The following ATXN10 variants were observed in gnomAD, a reference collection of about 807,000 sequenced individuals.
The protein encoded by ATXN10 is ataxin 10.
In ATXN10, 28 loss-of-function variants were observed where a neutral mutation model predicts 52.9. That is an observed-to-expected ratio of 0.53 (90% CI 0.39 to 0.73). The LOEUF (loss-of-function observed/expected upper bound fraction) is 0.73. ATXN10 is among the 30% of genes least tolerant of loss of function. ATXN10 has a pLI of 0.00. For synonymous variants in ATXN10, 226 were observed against 221.5 expected (o/e 1.02, Z -0.18); for missense variants, 565 against 577.0 (o/e 0.98, Z 0.21).
intron 1 of ATXN10, among the ~76,000 whole-genome samples, chr22:45,685,866 G>C (rs1923115969): frequency 6.6e-6 from 1 of 152,052 alleles, no homozygotes; most frequent in Admixed American, 6.6e-5. Context: ...TTTATAAAAG[G>C]AAACACATCT....
rs918582322 is a variant in ATXN10, at chr22:45,727,603, C to A, written c.729-1822C>A. On this transcript the variant is annotated intron_variant, in intron 6 of 11. Transcript: ENST00000252934. The surrounding 1 kb of genome is among the most constrained non-coding windows in gnomAD (Gnocchi z 4.6). ...CTCGAATGCCCGATCTCAGGTGATC[C>A]CCCATCCTCGGCCTCCCAAAGTACT... 3.9e-5 allele frequency among the ~76,000 whole-genome samples: 6 copies of A among 152,028 alleles called. No homozygotes were observed. The highest frequency in any genetic ancestry group is 1.5e-4 in the African/African-American group (6 of 41,374).
At chr22:45,730,516 C>G (rs1321357615) in intron 7 of ATXN10, among the ~76,000 whole-genome samples, 1 of 152,180 alleles carries the variant, frequency 6.6e-6, no homozygotes, top group African/African-American at 2.4e-5. Flanking sequence ...TCACTGCAAC[C>G]TCTGCCTCCT....
chr22:45,710,712 G>A (rs1301064486), intron 5 of ATXN10, among the ~76,000 whole-genome samples: 2 of 152,132 alleles, frequency 1.3e-5, no homozygotes, highest in African/African-American at 4.8e-5. Context: ...TTTATCTATT[G>A]TCTACGGCTG....
At chr22:45,714,146 C>T (rs1483637382) in intron 5 of ATXN10, among the ~76,000 whole-genome samples, 1 of 152,166 alleles carries the variant, frequency 6.6e-6, no homozygotes, top group Non-Finnish European at 1.5e-5. Context: ...TTTGGATTTG[C>T]CAGTTCTGCC....
Position 45,795,776 on chromosome 22 carries a change from T to G in ATXN10, c.1174-11183T>G, listed in dbSNP as rs950074565. ...TAAATTGTGAAGATTTCATGGACATTTATCACTTCCCTAATCAACACTCTT... is the reference window on the plus strand; with the variant it reads ...TAAATTGTGAAGATTTCATGGACATGTATCACTTCCCTAATCAACACTCTT... On this transcript the variant is annotated intron_variant, in intron 9 of 11. Transcript: ENST00000252934. The surrounding 1 kb of genome is among the most constrained non-coding windows in gnomAD (Gnocchi z 4.6). Among the ~76,000 whole-genome samples the G allele has an allele frequency of 1.3e-5, 2 of 152,230 alleles. No individual in the cohort carries two copies. Among genetic ancestry groups the G allele is most frequent in the Non-Finnish European group, 2.9e-5 (2 of 68,026 alleles).
chr22:45,798,997 T>C (rs1390138759), intron 9 of ATXN10, among the ~76,000 whole-genome samples: 1 of 152,112 alleles, frequency 6.6e-6, no homozygotes, highest in Non-Finnish European at 1.5e-5. Flanking sequence ...CAGCTCAATA[T>C]TGTTAAGTGT....
rs1200517649 is a variant in ATXN10 at position 45,843,850 on chromosome 22, CTT to C, written c.*180_*181del. On this transcript the variant is annotated 3_prime_UTR_variant, in exon 12 of 12. Transcript: ENST00000252934. This position sits in a 1 kb window ranked among gnomAD's most constrained non-coding sequence, Gnocchi z 4.5. ...AAAAGTGAAAGTAACTGAGTGTTCTCTTGTTTCTTTGCATTAATGTAACTGTG... is the reference window on the plus strand; with the variant it reads ...AAAAGTGAAAGTAACTGAGTGTTCTCGTTTCTTTGCATTAATGTAACTGTG... The C allele has an allele frequency of 3.1e-5, 20 of 645,872 alleles. No homozygotes were observed. Among genetic ancestry groups the C allele is most frequent in the South Asian group, 1.5e-4 (8 of 52,232 alleles). 40.0% of individuals were successfully genotyped at this position (645,872 alleles called of 1,614,324 possible). A position where few individuals can be genotyped will look rare whatever the true frequency, so the allele number is the denominator to read the frequency against.
intron 10 of ATXN10, among the ~76,000 whole-genome samples, chr22:45,821,956 T>TC (rs1928663403): frequency 6.6e-6 from 1 of 152,198 alleles, no homozygotes; most frequent in African/African-American, 2.4e-5. Context: ...CCCTGAGGAA[T>TC]CCATCTAGTC....
In ATXN10 at chr22:45,809,131, T is replaced by G. The variant is rs140604353; in HGVS notation, c.1237+2109T>G. Among the ~76,000 whole-genome samples, 210 of 151,424 alleles carry G rather than the reference T, an allele frequency of 1.4e-3. 1 individual carries two copies. Among genetic ancestry groups the G allele is most frequent in the African/African-American group, 4.9e-3 (205 of 41,506 alleles). On this transcript the variant is annotated intron_variant, in intron 10 of 11. Transcript: ENST00000252934. ...CCTTACAGCCTAGAGATTCAGTTTT[T>G]AGATCTGAGCTATAAATTAAAATCT...
chr22:45,688,943 T>C lies in ATXN10; in HGVS notation c.117-769T>C, dbSNP rs73441145. Among the ~76,000 whole-genome samples the C allele has an allele frequency of 8.4e-3, 1,285 of 152,296 alleles. 12 individuals carry two copies. Among genetic ancestry groups the C allele is most frequent in the African/African-American group, 0.029 (1,202 of 41,544 alleles). On this transcript the variant is annotated intron_variant, in intron 1 of 11. Coordinates refer to ENST00000252934, the MANE Select transcript of ATXN10 (RefSeq NM_013236.4). This position sits in a 1 kb window ranked among gnomAD's most constrained non-coding sequence, Gnocchi z 4.0. ...AATTCTTATCTTTAGAGCTCTGGAA[T>C]GATAGCCAGTGCAGGCAGTACTCCT...
At chr22:45,687,745 C>T (rs1347953683) in intron 1 of ATXN10, among the ~76,000 whole-genome samples, 1 of 152,164 alleles carries the variant, frequency 6.6e-6, no homozygotes, top group Non-Finnish European at 1.5e-5. Context: ...ATATTTGGTA[C>T]TCCTTAAAGC....
At chr22:45,815,721 G>A (rs1249896362) in intron 10 of ATXN10, among the ~76,000 whole-genome samples, 1 of 152,034 alleles carries the variant, frequency 6.6e-6, no homozygotes. Context: ...GCTGGTCCAA[G>A]CTCTCCTGGC....
intron 1 of ATXN10, among the ~76,000 whole-genome samples, chr22:45,685,763 A>T (rs1569022478): frequency 6.6e-6 from 1 of 152,128 alleles, no homozygotes; most frequent in Non-Finnish European, 1.5e-5. Flanking sequence ...ATCTGATGAA[A>T]GTTGTTGACA....
At chr22:45,771,589 G>A (rs1305005594) in intron 9 of ATXN10, among the ~76,000 whole-genome samples, 2 of 151,718 alleles carry the variant, frequency 1.3e-5, no homozygotes, top group Non-Finnish European at 2.9e-5. Flanking sequence ...GCAAAGTTTT[G>A]TATTTTTAGT....
chr22:45,784,896 C>T lies in ATXN10; in HGVS notation c.1174-22063C>T, dbSNP rs1221158645. ...TACAACAAGCAATTGAGATTCTGTC[C>T]ATGAGTTAAAAATTAAAGACTGAAT... On this transcript the variant is annotated intron_variant, in intron 9 of 11. Coordinates refer to ENST00000252934, the MANE Select transcript of ATXN10 (RefSeq NM_013236.4). The surrounding 1 kb of genome is among the most constrained non-coding windows in gnomAD (Gnocchi z 4.2). Among the ~76,000 whole-genome samples the T allele has an allele frequency of 6.6e-6, 1 of 152,122 alleles. No homozygotes were observed. The highest frequency in any genetic ancestry group is 2.4e-5 in the African/African-American group (1 of 41,402).
chr22:45,803,724 C>T (rs928730050), intron 9 of ATXN10, among the ~76,000 whole-genome samples: 4 of 152,050 alleles, frequency 2.6e-5, no homozygotes, highest in African/African-American at 9.7e-5. Context: ...ACTGTACGTA[C>T]TTTACTTTAC....
chr22:45,732,193 C>T lies in ATXN10; in HGVS notation c.894+2603C>T, dbSNP rs1012282148. 1.3e-5 allele frequency among the ~76,000 whole-genome samples: 2 copies of T among 152,072 alleles called. No individual in the cohort carries two copies. Among genetic ancestry groups the T allele is most frequent in the South Asian group, 2.1e-4 (1 of 4,824 alleles). On this transcript the variant is annotated intron_variant, in intron 7 of 11. Coordinates refer to ENST00000252934, the MANE Select transcript of ATXN10 (RefSeq NM_013236.4). The surrounding 1 kb of genome is among the most constrained non-coding windows in gnomAD (Gnocchi z 4.5). Reference sequence around the variant, plus strand: ...TAGACTGGGAACAGTGGCTCATGCCCGTAATCCCAATACTTTGGGACGCCA... The same window carrying T: ...TAGACTGGGAACAGTGGCTCATGCCTGTAATCCCAATACTTTGGGACGCCA...
rs1197700484 is a variant in ATXN10 at position 45,684,289 on chromosome 22, C to T, written c.117-5423C>T. Among the ~76,000 whole-genome samples, 2 of 152,012 alleles carry T rather than the reference C, an allele frequency of 1.3e-5. No individual in the cohort carries two copies. The highest frequency in any genetic ancestry group is 4.8e-5 in the African/African-American group (2 of 41,368). On this transcript the variant is annotated intron_variant, in intron 1 of 11. Transcript: ENST00000252934. The surrounding 1 kb of genome is among the most constrained non-coding windows in gnomAD (Gnocchi z 4.1). The stretch of plus-strand genomic sequence containing the variant: ...TTTCATTTAGCACAGTGCGTTTGTT[C>T]TGATGAAAGATGAATTTTCAATGTG...
Position 45,728,772 on chromosome 22 carries a change from T to C in ATXN10, c.729-653T>C, listed in dbSNP as rs900867945. Among the ~76,000 whole-genome samples the C allele has an allele frequency of 6.6e-6, 1 of 152,238 alleles. No homozygotes were observed. Among genetic ancestry groups the C allele is most frequent in the Non-Finnish European group, 1.5e-5 (1 of 68,038 alleles). On this transcript the variant is annotated intron_variant, in intron 6 of 11. Coordinates refer to ENST00000252934, the MANE Select transcript of ATXN10 (RefSeq NM_013236.4). This position sits in a 1 kb window ranked among gnomAD's most constrained non-coding sequence, Gnocchi z 4.3. The stretch of plus-strand genomic sequence containing the variant: ...AGAAATATTTATTTGGTAACTTATA[T>C]ATTGATGTAAAAATGGCACAGTCTT...
Sources: gnomAD v4.1 joint callset for allele counts (sites outside exome capture counted in the v4.1 genomes callset) on GRCh38, gnomAD v4.1.1 for gene constraint, Gnocchi (gnomAD v3.1) non-coding constraint, MANE v1.5 for transcripts, NCBI Gene and HGNC (gene_info 2026-07-23, HGNC 2026-07-21) for gene names.